The following INTS6 variants were observed in gnomAD, a reference collection of about 807,000 sequenced individuals.
The protein encoded by INTS6 is DEAD box protein.
A neutral mutation model predicts 104.9 loss-of-function variants in INTS6; 16 were observed. The observed-to-expected ratio is 0.15, with a 90% CI of 0.10 to 0.23. The LOEUF (loss-of-function observed/expected upper bound fraction) is 0.23, where lower values mean the gene tolerates loss of function less well. Ranked by LOEUF, INTS6 falls within the 10% of genes least tolerant of loss-of-function variation. The probability of loss-of-function intolerance (pLI) is 1.00; values close to 1 mark genes in which losing one functional copy is unlikely to be tolerated. For synonymous variants in INTS6, 324 were observed against 358.7 expected, an observed-to-expected ratio of 0.90 and a Z score of 1.09; for missense variants, 584 against 1,062.8, an observed-to-expected ratio of 0.55 and a Z score of 6.26.
the INTS6 span, among the ~76,000 whole-genome samples, chr13:51,335,549 A>G: frequency 6.6e-6 from 1 of 152,200 alleles, no homozygotes; most frequent in African/African-American, 2.4e-5. Flanking sequence ...TCCAGAGCGT[A>G]GTGTGGAGCT....
chr13:51,450,126 A>T (rs1383313193), intron 3 of INTS6: 1 of 985,256 alleles, frequency 1.0e-6, no homozygotes, highest in Non-Finnish European at 1.2e-6. Flanking sequence ...TTGGGAAAAT[A>T]CAACATATAC....
chr13:51,343,875 T>C, the INTS6 span, among the ~76,000 whole-genome samples: 1 of 152,304 alleles, frequency 6.6e-6, no homozygotes, highest in Non-Finnish European at 1.5e-5. Context: ...CCCATCACCC[T>C]GCACCCTGGA....
At chr13:51,411,830 A>C (rs753999601) in intron 4 of INTS6, among the ~76,000 whole-genome samples, 5 of 152,202 alleles carry the variant, frequency 3.3e-5, no homozygotes, top group Non-Finnish European at 7.3e-5. Flanking sequence ...ATACACCCAA[A>C]AGAAATAAAA....
intron 3 of INTS6, chr13:51,439,143 ATACAAT>A (rs1409653990): frequency 6.6e-6 from 1 of 152,214 alleles, no homozygotes; most frequent in African/African-American, 2.4e-5. Context: ...ACCTAATAGT[ATACAAT>A]TACTTTTTCT....
At chr13:51,383,295 C>A in intron 9 of INTS6, 34 bp downstream of exon 9, 3 of 1,559,386 alleles carry the variant, frequency 1.9e-6, no homozygotes, top group Non-Finnish European at 1.7e-6. Flanking sequence ...CTTTTATATG[C>A]TAAGCCAAGG....
chr13:51,395,521 C>G, intron 4 of INTS6, 38 bp from the exon 5 acceptor site: 1 of 1,556,954 alleles, frequency 6.4e-7, no homozygotes, highest in Non-Finnish European at 8.7e-7. Flanking sequence ...AAGAATTCCA[C>G]AGACTATTTT....
the INTS6 span, chr13:51,344,618 T>C: frequency 4.3e-6 from 3 of 702,112 alleles, no homozygotes; most frequent in Non-Finnish European, 7.3e-6. Flanking sequence ...TCTTAGGAGA[T>C]CCTACCCTTG....
At chr13:51,339,904 C>T in the INTS6 span, among the ~76,000 whole-genome samples, 1 of 152,000 alleles carries the variant, frequency 6.6e-6, no homozygotes, top group East Asian at 1.9e-4. Flanking sequence ...TGACCCTGGG[C>T]TGGGACACAC....
At chr13:51,450,874 G>A (rs1238074975) in intron 3 of INTS6, 151 bp downstream of exon 3, 4 of 1,273,534 alleles carry the variant, frequency 3.1e-6, no homozygotes, top group Non-Finnish European at 4.0e-6. Flanking sequence ...TATATAGTAG[G>A]GTAAGAGTTT....
intron 4 of INTS6, among the ~76,000 whole-genome samples, chr13:51,401,682 T>C (rs2137992234): frequency 6.6e-6 from 1 of 152,212 alleles, no homozygotes; most frequent in South Asian, 2.1e-4. Flanking sequence ...AATAAACATA[T>C]GAGATAGGCA....
chr13:51,434,713 T>C (rs1051767331), intron 3 of INTS6, among the ~76,000 whole-genome samples: 5 of 152,032 alleles, frequency 3.3e-5, no homozygotes, highest in Admixed American at 1.3e-4. Flanking sequence ...TAGCAGAAAG[T>C]GAACATGTAG....
intron 4 of INTS6, among the ~76,000 whole-genome samples, chr13:51,401,797 G>A (rs933480846): frequency 6.6e-6 from 1 of 152,050 alleles, no homozygotes. Flanking sequence ...GGTAAGTCTG[G>A]CTCTTAAACA....
the INTS6 span, among the ~76,000 whole-genome samples, chr13:51,339,963 A>C: frequency 6.6e-6 from 1 of 152,214 alleles, no homozygotes; most frequent in East Asian, 1.9e-4. Flanking sequence ...CTATGTACCA[A>C]GGTCATCCAA....
At chr13:51,446,640 A>C (rs1231033769) in intron 3 of INTS6, 2 of 152,366 alleles carry the variant, frequency 1.3e-5, no homozygotes, top group East Asian at 1.9e-4. Context: ...AACAGCCAAG[A>C]AGTGGAAGCA....
rs549856933 is a variant in INTS6 at position 51,408,149 on chromosome 13, T to G, written c.430-12666A>C. Among the ~76,000 whole-genome samples, 116 of 151,542 alleles carry G rather than the reference T, an allele frequency of 7.7e-4. 4 individuals carry two copies. The South Asian group carries it at 0.024, about 31-fold the overall frequency. On this transcript the variant is annotated intron_variant, in intron 4 of 17. Transcript: ENST00000311234. ...CTAGAATAAACCATTGAGATGGGTT[T>G]TTTTTTTTTTTGAAATGGAGTTTCG... is the stretch of plus-strand genomic sequence containing the variant.
Position 51,376,138 on chromosome 13 carries a change from T to C in INTS6, c.1639A>G (p.Ile547Val), listed in dbSNP as rs1165641126. Residue 547 changes from isoleucine to valine, a missense_variant, in exon 13 of 18, where the codon ATA becomes GTA. Ile to Val is a conservative substitution (Grantham distance 29). Coordinates refer to ENST00000311234, the MANE Select transcript of INTS6 (RefSeq NM_012141.3). ...KPQTFRNAYD[I>V]PRRNLLDHLT... ...TGATCCAAAAGATTTCGTCTTGGTATGTCATAAGCATTTCTAAATGTCTGT... is the reference window on the plus strand; with the variant it reads ...TGATCCAAAAGATTTCGTCTTGGTACGTCATAAGCATTTCTAAATGTCTGT... The C allele has an allele frequency of 1.2e-5, 20 of 1,611,064 alleles. No homozygotes were observed. Among genetic ancestry groups the C allele is most frequent in the Non-Finnish European group, 1.5e-5 (18 of 1,178,668 alleles).
At chr13:51,388,180 T>A (rs917800782) in intron 6 of INTS6, among the ~76,000 whole-genome samples, 1 of 152,040 alleles carries the variant, frequency 6.6e-6, no homozygotes, top group African/African-American at 2.4e-5. Context: ...AAAATTTTTT[T>A]AAGTTTGGTT....
intron 13 of INTS6, among the ~76,000 whole-genome samples, chr13:51,375,402 T>C (rs1206251557): frequency 1.3e-5 from 2 of 151,568 alleles, no homozygotes; most frequent in Non-Finnish European, 2.9e-5. Flanking sequence ...GATGTATCTC[T>C]TCTCTTCTGC....
chr13:51,449,744 T>C (rs1000183831), intron 3 of INTS6: 4 of 985,308 alleles, frequency 4.1e-6, no homozygotes, highest in Admixed American at 6.1e-5. Context: ...AATCCACTAC[T>C]ATTTTACAGA....
Sources: gnomAD v4.1 joint callset for allele counts (sites outside exome capture counted in the v4.1 genomes callset) on GRCh38, gnomAD v4.1.1 for gene constraint, MANE v1.5 for transcripts, NCBI Gene and HGNC (gene_info 2026-07-23, HGNC 2026-07-21) for gene names.